GPHN: variants seen among roughly 807,000 people sequenced by gnomAD.
The protein encoded by GPHN is gephyrin.
A neutral mutation model predicts 95.5 loss-of-function variants in GPHN; 17 were observed. The ratio of observed to expected loss-of-function variants is 0.18; its 90% CI spans 0.12 to 0.27. The LOEUF is 0.27. GPHN is among the 10% of genes least tolerant of loss of function. GPHN has a pLI of 1.00. For missense variants in GPHN, 660 were observed against 978.1 expected (o/e 0.67, Z 4.34); for synonymous variants, 320 against 322.5 (o/e 0.99, Z 0.08).
intron 8 of GPHN, among the ~76,000 whole-genome samples, chr14:66,963,505 T>C (rs1010308282): frequency 6.6e-6 from 1 of 152,076 alleles, no homozygotes; most frequent in African/African-American, 2.4e-5. Flanking sequence ...TTGTGATACT[T>C]TCTGTAAGTA....
At chr14:67,716,039 C>G in the GPHN span, among the ~76,000 whole-genome samples, 4 of 151,342 alleles carry the variant, frequency 2.6e-5, no homozygotes, top group African/African-American at 9.7e-5. Flanking sequence ...ACTAAAAATA[C>G]AAAAAAAATT....
chr14:67,710,366 TTAATAA>T, the GPHN span, among the ~76,000 whole-genome samples: 1 of 152,340 alleles, frequency 6.6e-6, no homozygotes, highest in Non-Finnish European at 1.5e-5. Flanking sequence ...AAACCAAAAC[TTAATAA>T]TAATATGACA....
chr14:67,712,493 C>CAAAAAAAAAAAAAAAAAAAAAA, the GPHN span, among the ~76,000 whole-genome samples: 4 of 38,948 alleles, frequency 1.0e-4, no homozygotes, highest in Non-Finnish European at 2.2e-4. Flanking sequence ...AAAAAACTTG[C>CAAAAAAAAAAAAAAAAAAAAAA]AAAAAAAAAA....
chr14:66,665,399 A>G (rs1296429332), intron 1 of GPHN, among the ~76,000 whole-genome samples: 3 of 152,228 alleles, frequency 2.0e-5, no homozygotes, highest in Non-Finnish European at 2.9e-5. Context: ...AAACAAATTT[A>G]CAAGAAGAAA....
chr14:66,651,817 G>A (rs117330791), intron 1 of GPHN, among the ~76,000 whole-genome samples: 2,021 of 151,398 alleles, frequency 0.013, 24 homozygotes, highest in Middle Eastern at 0.02. Flanking sequence ...CATTTTGGGC[G>A]TCACTATCTC....
chr14:67,100,951 T>C, intron 13 of GPHN, 40 bp downstream of exon 13: 2 of 1,206,372 alleles, frequency 1.7e-6, no homozygotes, highest in East Asian at 2.3e-5. Flanking sequence ...AGATTTCAGC[T>C]TCATGGACTT....
At chr14:66,888,469 G>C (rs184077126) in intron 5 of GPHN, among the ~76,000 whole-genome samples, 1 of 152,162 alleles carries the variant, frequency 6.6e-6, no homozygotes, top group Non-Finnish European at 1.5e-5. Flanking sequence ...GAGGGACAGA[G>C]TAGTATAAGA....
In GPHN at chr14:67,113,108, A is replaced by G. The variant is rs779098838; in HGVS notation, c.1563A>G (p.Val521=). The change falls in exon 16 of 23, where the codon GTA becomes GTG. Residue 521 remains valine (V), a synonymous_variant. Coordinates refer to ENST00000478722, the MANE Select transcript of GPHN (RefSeq NM_020806.5). ...GPSEIGLLAT[V]GVTEVEVNKF... is the part of the protein sequence containing the mutation. ...CAGAGATTGGTCTTCTGGCAACTGTAGGTGTCACAGAGGTTGAAGTTAATA... is the reference window on the plus strand; with the variant it reads ...CAGAGATTGGTCTTCTGGCAACTGTGGGTGTCACAGAGGTTGAAGTTAATA... 13 of 1,613,582 alleles carry G rather than the reference A, an allele frequency of 8.1e-6. No homozygotes were observed. In the African/African-American group the frequency reaches 1.6e-4, roughly 20 times the overall value.
chr14:66,760,706 G>C (rs140962497), intron 2 of GPHN: 1 of 450,412 alleles, frequency 2.2e-6, no homozygotes, highest in Non-Finnish European at 4.2e-6. Context: ...CCATAAAGCA[G>C]CTGGCAAAGC....
chr14:67,695,025 G>A, the GPHN span, among the ~76,000 whole-genome samples: 1 of 152,132 alleles, frequency 6.6e-6, no homozygotes, highest in African/African-American at 2.4e-5. Context: ...AGCCCTCACC[G>A]CCCCAGTACC....
intron 1 of GPHN, among the ~76,000 whole-genome samples, chr14:66,669,894 CTA>C (rs1234472112): frequency 6.6e-6 from 1 of 152,162 alleles, no homozygotes; most frequent in Non-Finnish European, 1.5e-5. Context: ...CATGACAAGA[CTA>C]AAATTTTTTC....
chr14:66,588,134 T>G (rs1209800097), intron 1 of GPHN, among the ~76,000 whole-genome samples: 4 of 152,110 alleles, frequency 2.6e-5, no homozygotes, highest in African/African-American at 9.7e-5. Context: ...AGAGCAGACC[T>G]TCAGCAGAGG....
intron 1 of GPHN, among the ~76,000 whole-genome samples, chr14:66,554,753 T>C (rs1039996354): frequency 2.0e-5 from 3 of 152,176 alleles, no homozygotes; most frequent in African/African-American, 7.2e-5. Flanking sequence ...TTAGTACTTG[T>C]ACAAACTTTA....
At chr14:67,645,103 T>C in the GPHN span, among the ~76,000 whole-genome samples, 1 of 152,154 alleles carries the variant, frequency 6.6e-6, no homozygotes, top group East Asian at 1.9e-4. Flanking sequence ...GTTTACCCTG[T>C]TAATGTCTCC....
the GPHN span, chr14:67,412,325 G>A: frequency 2.5e-6 from 1 of 399,746 alleles, no homozygotes; most frequent in Non-Finnish European, 4.4e-6. Context: ...GGCCAACCCC[G>A]CCCCATCCAG....
intron 2 of GPHN, among the ~76,000 whole-genome samples, chr14:66,753,966 C>G (rs1456909090): frequency 6.6e-6 from 1 of 152,010 alleles, no homozygotes; most frequent in Non-Finnish European, 1.5e-5. Flanking sequence ...AATTATACAA[C>G]ATATAGGGAT....
At chr14:67,348,393 G>A in the GPHN span, among the ~76,000 whole-genome samples, 4 of 151,936 alleles carry the variant, frequency 2.6e-5, no homozygotes, top group African/African-American at 9.7e-5. Context: ...CTTTGGTAAA[G>A]ATGGGGTTTC....
chr14:66,884,238 A>G (rs2064074453), intron 5 of GPHN, among the ~76,000 whole-genome samples: 1 of 152,030 alleles, frequency 6.6e-6, no homozygotes, highest in Non-Finnish European at 1.5e-5. Context: ...CAGCTCCACA[A>G]TTAGGCCTAG....
At chr14:66,810,703 T>C (rs1347313347) in intron 3 of GPHN, among the ~76,000 whole-genome samples, 1 of 152,214 alleles carries the variant, frequency 6.6e-6, no homozygotes, top group Non-Finnish European at 1.5e-5. Flanking sequence ...TGTGTGTATG[T>C]GTACATACAA....
Sources: gnomAD v4.1 joint callset for allele counts (sites outside exome capture counted in the v4.1 genomes callset) on GRCh38, gnomAD v4.1.1 for gene constraint, MANE v1.5 for transcripts, NCBI Gene and HGNC (gene_info 2026-07-23, HGNC 2026-07-21) for gene names.